The following DNM3 variants were observed in gnomAD, a reference collection of about 807,000 sequenced individuals.
DNM3 encodes the protein dynamin-3.
Under a neutral mutation model 101.6 loss-of-function variants are expected in DNM3, and 47 were observed. That is an observed-to-expected ratio of 0.46 (90% CI 0.37 to 0.59). The LOEUF is 0.59. Among genes scored for constraint, DNM3 ranks in the 20% least tolerant of loss-of-function variants. DNM3 has a pLI of 0.00. For missense variants in DNM3, 849 were observed against 1,085.7 expected, an observed-to-expected ratio of 0.78 and a Z score of 3.06; for synonymous variants, 385 against 387.9, an observed-to-expected ratio of 0.99 and a Z score of 0.09.
intron 15 of DNM3, among the ~76,000 whole-genome samples, chr1:172,274,633 T>C (rs1285044648): frequency 1.3e-5 from 2 of 152,028 alleles, no homozygotes; most frequent in East Asian, 3.9e-4. Context: ...GGTTATTTGC[T>C]TAATATCCTT....
intron 14 of DNM3, among the ~76,000 whole-genome samples, chr1:172,250,980 G>A (rs897990375): frequency 1.3e-5 from 2 of 152,064 alleles, no homozygotes; most frequent in Non-Finnish European, 2.9e-5. Context: ...TATTCAAAAT[G>A]TTATTTCAAC....
chr1:171,987,100 T>C lies in DNM3; in HGVS notation c.236-556T>C, dbSNP rs71637431. On this transcript the variant is annotated intron_variant, in intron 2 of 20. Transcript: ENST00000627582. ...CTTTGATATAATACTCTATAACTTT[T>C]TTCCTTGAGAAATTGTCTTTGTATA... 7.8e-4 allele frequency among the ~76,000 whole-genome samples: 119 copies of C among 152,330 alleles called. 1 individual carries two copies. The highest frequency in any genetic ancestry group is 3.5e-3 in the Admixed American group (54 of 15,302).
chr1:171,851,614 A>G (rs2032978186), intron 1 of DNM3, among the ~76,000 whole-genome samples: 1 of 152,138 alleles, frequency 6.6e-6, no homozygotes, highest in Non-Finnish European at 1.5e-5. Flanking sequence ...GGGTTTCGCT[A>G]TGTTGGCCAG....
chr1:172,200,679 C>T (rs1241612988), intron 14 of DNM3, among the ~76,000 whole-genome samples: 1 of 152,016 alleles, frequency 6.6e-6, no homozygotes, highest in African/African-American at 2.4e-5. Context: ...ATACTTTTCT[C>T]AGCTTGGTTT....
intron 20 of DNM3, among the ~76,000 whole-genome samples, chr1:172,402,191 C>T (rs1352991626): frequency 6.6e-6 from 1 of 151,632 alleles, no homozygotes; most frequent in Admixed American, 6.6e-5. Flanking sequence ...ATGATGCAAG[C>T]ATTAAATGAT....
At chr1:172,010,377 A>G (rs2047026627) in intron 4 of DNM3, among the ~76,000 whole-genome samples, 1 of 151,894 alleles carries the variant, frequency 6.6e-6, no homozygotes, top group African/African-American at 2.4e-5. Context: ...CTTGTAGGAC[A>G]GGTCTCTGAC....
In DNM3 at chr1:172,016,679, C is replaced by T. The variant is rs373912824; in HGVS notation, c.590-15723C>T. Among the ~76,000 whole-genome samples the T allele has an allele frequency of 2.0e-4, 30 of 152,146 alleles. No homozygotes were observed. The South Asian group carries it at 5.8e-3, about 30-fold the overall frequency. On this transcript the variant is annotated intron_variant, in intron 4 of 20. Transcript: ENST00000627582. ...AGATTGTGGAAAATTGGTATGATTT[C>T]TTTCTTAAATATTTGGTAGAATTCA... is the stretch of plus-strand genomic sequence containing the variant.
chr1:172,217,332 C>T (rs995623255), intron 14 of DNM3, among the ~76,000 whole-genome samples: 1 of 152,104 alleles, frequency 6.6e-6, no homozygotes, highest in African/African-American at 2.4e-5. Flanking sequence ...TTCAGAGATC[C>T]AAAAACAACA....
At chr1:172,192,071 C>T (rs1314299246) in intron 14 of DNM3, among the ~76,000 whole-genome samples, 2 of 152,120 alleles carry the variant, frequency 1.3e-5, no homozygotes, top group African/African-American at 4.8e-5. Context: ...CTGTCTTGTG[C>T]CAGTTTTCAA....
intron 2 of DNM3, among the ~76,000 whole-genome samples, chr1:171,974,580 A>G (rs1238183860): frequency 6.6e-6 from 1 of 152,194 alleles, no homozygotes; most frequent in Non-Finnish European, 1.5e-5. Context: ...AAAGTTTTGG[A>G]TCCGAACTTT....
chr1:172,328,250 A>G (rs911958359), intron 17 of DNM3, among the ~76,000 whole-genome samples: 1 of 152,172 alleles, frequency 6.6e-6, no homozygotes, highest in African/African-American at 2.4e-5. Flanking sequence ...AGCTGTTTCA[A>G]CATATTTGCT....
chr1:172,364,112 T>G (rs2067886515), intron 17 of DNM3, among the ~76,000 whole-genome samples: 1 of 151,964 alleles, frequency 6.6e-6, no homozygotes, highest in East Asian at 1.9e-4. Flanking sequence ...GTAAACTTCT[T>G]AGGTGCAGAA....
At chr1:172,009,137 A>T (rs1323404079) in intron 4 of DNM3, among the ~76,000 whole-genome samples, 1 of 138,032 alleles carries the variant, frequency 7.2e-6, no homozygotes, top group African/African-American at 2.7e-5. Flanking sequence ...ATATATTTAT[A>T]TTATATATAT....
At chr1:172,219,784 C>A (rs967458881) in intron 14 of DNM3, among the ~76,000 whole-genome samples, 5 of 152,120 alleles carry the variant, frequency 3.3e-5, no homozygotes, top group Non-Finnish European at 5.9e-5. Flanking sequence ...TTTAAATCTG[C>A]CTTCCCCAGC....
At chr1:171,965,529 C>A (rs183766276) in intron 2 of DNM3, among the ~76,000 whole-genome samples, 50 of 145,810 alleles carry the variant, frequency 3.4e-4, no homozygotes, top group African/African-American at 1.2e-3. Flanking sequence ...AAAGCCTGGA[C>A]AACAGAGCTA....
chr1:171,922,465 G>A (rs2040253239), intron 2 of DNM3, among the ~76,000 whole-genome samples: 1 of 150,772 alleles, frequency 6.6e-6, no homozygotes. Flanking sequence ...CAATTTCTTT[G>A]AATGCTTAAG....
chr1:171,858,291 T>A (rs1408652513), intron 1 of DNM3, among the ~76,000 whole-genome samples: 1 of 152,168 alleles, frequency 6.6e-6, no homozygotes, highest in Non-Finnish European at 1.5e-5. Flanking sequence ...GATAAGCTAG[T>A]GTCCTTAGCC....
At chr1:172,114,815 A>G (rs2055770055) in intron 13 of DNM3, among the ~76,000 whole-genome samples, 1 of 152,040 alleles carries the variant, frequency 6.6e-6, no homozygotes, top group Non-Finnish European at 1.5e-5. Context: ...CCTCCTTAGG[A>G]GTGTTGCTTA....
In DNM3 at chr1:172,106,904, AC is replaced by A. The variant is rs1166415637; in HGVS notation, c.1545+14031del. 2.6e-5 allele frequency among the ~76,000 whole-genome samples: 3 copies of A among 116,136 alleles called. No individual in the cohort carries two copies. The Admixed American group carries it at 3.7e-4, about 14-fold the overall frequency. 76.2% of individuals were successfully genotyped at this position (116,136 alleles called of 152,430 possible). On this transcript the variant is annotated intron_variant, in intron 13 of 20. Coordinates refer to ENST00000627582, the MANE Select transcript of DNM3 (RefSeq NM_015569.5). ...AGTCTCGCTCTGTCGCCCAGGCCGG[AC>A]CGCGGACTGCAGTGGCGCAATCTCG...
Sources: allele counts gnomAD v4.1 joint callset (sites outside exome capture counted in the v4.1 genomes callset), GRCh38; gene constraint gnomAD v4.1.1; transcripts MANE v1.5; gene names NCBI Gene and HGNC (gene_info 2026-07-23, HGNC 2026-07-21).